SBNO1: variants seen among roughly 807,000 people sequenced by gnomAD.
SBNO1 encodes the protein protein strawberry notch homolog 1.
In SBNO1, 23 loss-of-function variants were observed where a neutral mutation model predicts 173.6. That is an observed-to-expected ratio of 0.13 (90% CI 0.10 to 0.19). The LOEUF (loss-of-function observed/expected upper bound fraction) is 0.19, where lower values mean the gene tolerates loss of function less well. Among genes scored for constraint, SBNO1 ranks in the 10% least tolerant of loss-of-function variants. SBNO1 has a pLI of 1.00. For missense variants in SBNO1, 1,238 were observed against 1,671.2 expected (o/e 0.74, Z 4.52); for synonymous variants, 632 against 571.5 (o/e 1.11, Z -1.51).
chr12:123,301,503 G>A (rs1414923561), intron 30 of SBNO1, among the ~76,000 whole-genome samples: 3 of 152,076 alleles, frequency 2.0e-5, no homozygotes, highest in Non-Finnish European at 4.4e-5. Flanking sequence ...TCATGAAGTG[G>A]GCCAGATACT....
intron 10 of SBNO1, 100 bp downstream of exon 10, chr12:123,328,634 A>G (rs1870849055): frequency 2.0e-6 from 2 of 987,478 alleles, no homozygotes; most frequent in South Asian, 2.6e-5. Context: ...TTTTCACTCC[A>G]GCAACTCGTT....
intron 5 of SBNO1, among the ~76,000 whole-genome samples, chr12:123,339,006 T>C (rs377711725): frequency 4.6e-5 from 7 of 151,736 alleles, no homozygotes; most frequent in Admixed American, 2.0e-4. Context: ...TAAAAAACTT[T>C]TGGTATATAA....
intron 1 of SBNO1, among the ~76,000 whole-genome samples, chr12:123,362,768 CAAAAAAA>C (rs10587512): frequency 9.2e-5 from 7 of 76,502 alleles, no homozygotes; most frequent in Non-Finnish European, 1.5e-4. Flanking sequence ...GACTCCGCCT[CAAAAAAA>C]AAAAAAAAAA....
intron 28 of SBNO1, among the ~76,000 whole-genome samples, chr12:123,306,087 TA>T (rs1340388017): frequency 1.3e-5 from 2 of 152,226 alleles, no homozygotes; most frequent in Non-Finnish European, 2.9e-5. Context: ...CTTGGTCTCT[TA>T]CTTTTTCCAA....
Position 123,326,201 on chromosome 12 carries a change from T to C in SBNO1, c.1826A>G (p.Lys609Arg). The C allele has an allele frequency of 6.2e-7, 1 of 1,612,670 alleles. No homozygotes were observed. The highest frequency in any genetic ancestry group is 8.5e-7 in the Non-Finnish European group (1 of 1,179,132). Residue 609 changes from lysine (K) to arginine (R), a missense_variant, in exon 14 of 32, where the codon AAA becomes AGA. Around this residue, in one of 14 missense-constraint regions of SBNO1, gnomAD observed 182 missense variants for 339.9 expected, o/e 0.54. Coordinates refer to ENST00000602398, the MANE Select transcript of SBNO1 (RefSeq NM_001167856.3). ...AGCTAGTTGCACAACCCTTTTAACT[T>C]TGGATGCTATGCATAAGTATTTGAA... is the stretch of plus-strand genomic sequence containing the variant. The part of the protein sequence containing the change: ...RFFKYLCIAS[K>R]VKRVVQLARE...
chr12:123,320,984 G>C (rs1869897570), intron 17 of SBNO1, 118 bp from the exon 18 acceptor site: 2 of 814,550 alleles, frequency 2.5e-6, no homozygotes, highest in Non-Finnish European at 3.7e-6. Context: ...TTGTAGCCCA[G>C]GCTGGAGTGC....
Position 123,295,947 on chromosome 12 carries a change from C to T in SBNO1, c.4143G>A (p.Gln1381=). The T allele has an allele frequency of 1.2e-6, 2 of 1,612,666 alleles. No homozygotes were observed. The highest frequency in any genetic ancestry group is 2.2e-5 in the East Asian group (1 of 44,876). ...LAVQQKQLWQ[Q]HHPQSITNLS... The stretch of plus-strand genomic sequence containing the variant: ...AGTTGGTGATGCTCTGAGGGTGATG[C>T]TGTTGCCATAGCTGTTTCTGTTGGA... Residue 1381 remains glutamine, a synonymous_variant, in exon 32 of 32, where the codon CAG becomes CAA. Transcript: ENST00000602398.
In SBNO1 at chr12:123,359,748, A is replaced by C. The variant is rs1874911157; in HGVS notation, c.-1+4953T>G. Among the ~76,000 whole-genome samples, 4 of 152,124 alleles carry C rather than the reference A, an allele frequency of 2.6e-5. No homozygotes were observed. The South Asian group carries it at 8.3e-4, about 31-fold the overall frequency. Reference sequence around the variant, plus strand: ...TCTTATTCATAAAAGAGAATTCCTGATCTTTAAGAGCCCATCCTTTCCACT... The same window carrying C: ...TCTTATTCATAAAAGAGAATTCCTGCTCTTTAAGAGCCCATCCTTTCCACT... On this transcript the variant is annotated intron_variant, in intron 1 of 31. Transcript: ENST00000602398.
intron 31 of SBNO1, among the ~76,000 whole-genome samples, chr12:123,296,544 T>C (rs1300890792): frequency 2.0e-5 from 3 of 147,260 alleles, no homozygotes; most frequent in Non-Finnish European, 4.5e-5. Context: ...ATTGCATGCA[T>C]ATATATATGT....
intron 3 of SBNO1, among the ~76,000 whole-genome samples, chr12:123,347,812 G>A (rs1250117880): frequency 1.3e-5 from 2 of 152,126 alleles, no homozygotes; most frequent in Admixed American, 6.6e-5. Flanking sequence ...CAGGATTACA[G>A]GCATGAGCCA....
At chr12:123,353,883 T>A (rs763655892) in intron 1 of SBNO1, among the ~76,000 whole-genome samples, 4 of 152,156 alleles carry the variant, frequency 2.6e-5, no homozygotes, top group Non-Finnish European at 5.9e-5. Context: ...GAAACAGAAG[T>A]ACATTGTTTT....
At chr12:123,322,937 C>G (rs111321757) in intron 16 of SBNO1, among the ~76,000 whole-genome samples, 1 of 151,508 alleles carries the variant, frequency 6.6e-6, no homozygotes, top group Non-Finnish European at 1.5e-5. Context: ...TACTGAAACA[C>G]CCAGCTGTCT....
chr12:123,311,691 C>CCTATCTAT (rs1313680603), intron 24 of SBNO1, among the ~76,000 whole-genome samples: 1,703 of 121,570 alleles, frequency 0.014, 29 homozygotes, highest in East Asian at 0.048. Context: ...AAACAAGTAA[C>CCTATCTAT]CTATCTATCT....
At chr12:123,337,404 T>C (rs1209386998) in intron 5 of SBNO1, among the ~76,000 whole-genome samples, 1 of 152,188 alleles carries the variant, frequency 6.6e-6, no homozygotes, top group Non-Finnish European at 1.5e-5. Flanking sequence ...AAACTCAGTA[T>C]GCCAAGGGAA....
chr12:123,333,501 A>G (rs1871477180), intron 7 of SBNO1, among the ~76,000 whole-genome samples: 1 of 151,976 alleles, frequency 6.6e-6, no homozygotes, highest in South Asian at 2.1e-4. Context: ...ATATACATAT[A>G]TATAATTTTT....
At chr12:123,352,349 T>C (rs1873973850) in intron 1 of SBNO1, among the ~76,000 whole-genome samples, 1 of 152,242 alleles carries the variant, frequency 6.6e-6, no homozygotes, top group Non-Finnish European at 1.5e-5. Flanking sequence ...TTCGCTCTTG[T>C]TGCCCAAGGT....
chr12:123,318,567 A>C (rs183876064), intron 20 of SBNO1, among the ~76,000 whole-genome samples: 6 of 150,296 alleles, frequency 4.0e-5, no homozygotes, highest in African/African-American at 7.4e-5. Flanking sequence ...ACCTGTCTCT[A>C]TCAAAAAATA....
At chr12:123,338,118 G>A (rs560687058) in intron 5 of SBNO1, among the ~76,000 whole-genome samples, 19 of 152,308 alleles carry the variant, frequency 1.2e-4, no homozygotes, top group African/African-American at 4.1e-4. Flanking sequence ...ACTACACAAC[G>A]CTGGGCAAAT....
In SBNO1 at chr12:123,291,859, A is replaced by G. The variant is rs543151033; in HGVS notation, c.*4049T>C. The G allele has an allele frequency of 6.6e-6, 1 of 152,246 alleles. No homozygotes were observed. The highest frequency in any genetic ancestry group is 1.9e-4 in the East Asian group (1 of 5,192). The allele number at this position is 152,246 out of a possible 1,614,324, so 9.4% of individuals were successfully genotyped here. A position where few individuals can be genotyped will look rare whatever the true frequency, so the allele number is the denominator to read the frequency against. On this transcript the variant is annotated 3_prime_UTR_variant, in exon 32 of 32. Transcript: ENST00000602398. ...CATTTCTCTATATATACATTTATGT[A>G]CATATATATAAATACAGCACAAAAT...
Sources: gnomAD v4.1 joint callset for allele counts (sites outside exome capture counted in the v4.1 genomes callset) on GRCh38, gnomAD v4.1.1 for gene constraint, gnomAD v4.1.1 regional missense constraint, MANE v1.5 for transcripts, NCBI Gene and HGNC (gene_info 2026-07-23, HGNC 2026-07-21) for gene names.